Variants in ZMYND8 observed in about 807,000 individuals in gnomAD.
The protein encoded by ZMYND8 is zinc finger MYND-type containing 8, also known as MYND-type zinc finger-containing chromatin reader ZMYND8.
A neutral mutation model predicts 140.8 loss-of-function variants in ZMYND8; 37 were observed. That is an observed-to-expected ratio of 0.26 (90% CI 0.20 to 0.35). The LOEUF (loss-of-function observed/expected upper bound fraction) is 0.35. Ranked by LOEUF, ZMYND8 falls within the 10% of genes least tolerant of loss-of-function variation. The pLI is 1.00. For synonymous variants in ZMYND8, 592 were observed against 597.1 expected (o/e 0.99, Z 0.12); for missense variants, 1,068 against 1,570.0 (o/e 0.68, Z 5.40).
At chr20:47,272,056 A>G (rs1004376569) in intron 11 of ZMYND8, among the ~76,000 whole-genome samples, 15 of 146,416 alleles carry the variant, frequency 1.0e-4, no homozygotes, top group Admixed American at 2.7e-4. Flanking sequence ...TTATAAAAAA[A>G]GGGGGGGGGG....
chr20:47,272,058 G>C (rs1285745531), intron 11 of ZMYND8, among the ~76,000 whole-genome samples: 2 of 34,920 alleles, frequency 5.7e-5, no homozygotes, highest in Non-Finnish European at 1.0e-4. Flanking sequence ...ATAAAAAAAG[G>C]GGGGGGGGAG....
intron 4 of ZMYND8, among the ~76,000 whole-genome samples, chr20:47,297,445 A>T (rs865828539): frequency 1.3e-5 from 2 of 151,436 alleles, no homozygotes; most frequent in Admixed American, 6.6e-5. Flanking sequence ...TTTTTGAGAC[A>T]TGATCTTGCT....
chr20:47,275,144 T>C (rs1228553814), intron 11 of ZMYND8, among the ~76,000 whole-genome samples: 2 of 152,236 alleles, frequency 1.3e-5, no homozygotes, highest in Non-Finnish European at 2.9e-5. Context: ...CATTTAATAA[T>C]TGGAGATTTT....
In ZMYND8 at chr20:47,221,486, G is replaced by A. The variant is rs760501117; in HGVS notation, c.3257-12C>T. 2.1e-5 allele frequency: 34 copies of A among 1,612,602 alleles called. No homozygotes were observed. In the East Asian group the frequency reaches 2.9e-4, roughly 14 times the overall value. ...CTGAGGAGCAGTAGCTGGGGACAAA[G>A]GAGAGAGAGAGACGCCACATATACA... On this transcript the variant is annotated splice_polypyrimidine_tract_variant and intron_variant, in intron 19 of 22. Transcript: ENST00000471951.
At chr20:47,262,249 A>G in intron 12 of ZMYND8, 39 bp downstream of exon 12, 1 of 1,613,568 alleles carries the variant, frequency 6.2e-7, no homozygotes, top group Non-Finnish European at 8.5e-7. Flanking sequence ...AAATATCCAC[A>G]GTTGCCACAG....
Position 47,294,823 on chromosome 20 carries a change from A to G in ZMYND8, c.454-44T>C, listed in dbSNP as rs2077538564. The stretch of plus-strand genomic sequence containing the variant: ...ACATAAACGTCCGGTTAGAAAAAAG[A>G]AATTACCATCCATGTACTGATTTCT... On this transcript the variant is annotated intron_variant, in intron 4 of 22. Transcript: ENST00000471951. The G allele has an allele frequency of 3.2e-6, 5 of 1,559,292 alleles. No homozygotes were observed. In the African/African-American group the frequency reaches 6.8e-5, roughly 21 times the overall value.
At chr20:47,289,416 A>G (rs756194617) in intron 7 of ZMYND8, among the ~76,000 whole-genome samples, 5 of 152,204 alleles carry the variant, frequency 3.3e-5, no homozygotes, top group Admixed American at 6.5e-5. Context: ...TAGTAAGTTA[A>G]ATAAAATCCT....
chr20:47,312,940 T>A (rs1267596692), intron 2 of ZMYND8, among the ~76,000 whole-genome samples: 7 of 151,996 alleles, frequency 4.6e-5, no homozygotes, highest in Admixed American at 4.6e-4. Context: ...CCCAACAATC[T>A]CCTCTAGAAA....
intron 22 of ZMYND8, 50 bp from the exon 23 acceptor site, chr20:47,210,947 G>C (rs2035158106): frequency 6.3e-7 from 1 of 1,594,162 alleles, no homozygotes; most frequent in East Asian, 2.2e-5. Flanking sequence ...CTGCGCCTGA[G>C]CACAACTATC....
At chr20:47,337,356 T>TA (rs2081467255) in intron 2 of ZMYND8, among the ~76,000 whole-genome samples, 1 of 146,338 alleles carries the variant, frequency 6.8e-6, no homozygotes, top group Admixed American at 6.8e-5. Flanking sequence ...AAAAAATAAA[T>TA]AAATAAAATA....
At chr20:47,235,403 G>T (rs912050022) in intron 16 of ZMYND8, among the ~76,000 whole-genome samples, 13 of 152,062 alleles carry the variant, frequency 8.5e-5, no homozygotes, top group Middle Eastern at 3.4e-3. Context: ...ATTCAACAGT[G>T]ACCATAAAAG....
intron 10 of ZMYND8, among the ~76,000 whole-genome samples, chr20:47,281,583 G>A (rs916026203): frequency 1.3e-5 from 2 of 152,294 alleles, no homozygotes; most frequent in Middle Eastern, 3.4e-3. Context: ...GGGGAGGGCA[G>A]GAAGGCTGGG....
At position 47,236,410 on chromosome 20, in the gene ZMYND8, G is replaced by T. The variant is rs781033779; in HGVS notation, c.2772C>A (p.Thr924=). 1 of 1,614,216 alleles carries T rather than the reference G, an allele frequency of 6.2e-7. No individual in the cohort carries two copies. The highest frequency in any genetic ancestry group is 1.1e-5 in the South Asian group (1 of 91,084). ...PLVTSSGSMS[T]LVSSVNADLP... is the part of the protein sequence containing the mutation. ...GGTCAGCGTTGACTGAGGACACAAGGGTGCTCATGGACCCCGAGCTGGTGA... is the reference window on the plus strand; with the variant it reads ...GGTCAGCGTTGACTGAGGACACAAGTGTGCTCATGGACCCCGAGCTGGTGA... Residue 924 remains threonine, a synonymous_variant, in exon 16 of 23, where the codon ACC becomes ACA. Transcript: ENST00000471951.
In ZMYND8 at chr20:47,246,214, T is replaced by G. The variant is rs758307830; in HGVS notation, c.2078A>C (p.Lys693Thr). 2.5e-6 allele frequency: 4 copies of G among 1,614,194 alleles called. No individual in the cohort carries two copies. The highest frequency in any genetic ancestry group is 1.3e-5 in the African/African-American group (1 of 75,040). The change falls in exon 14 of 23, where the codon AAG becomes ACG. Residue 693 changes from lysine (K) to threonine (T), a missense_variant. Coordinates refer to ENST00000471951, the MANE Select transcript of ZMYND8 (RefSeq NM_001281775.3). ...AGGTTTTGCCTTTTCGGAAAAGTCCTTCTCAGGCTCAGGGCTGGCCTTGTC... is the reference window on the plus strand; with the variant it reads ...AGGTTTTGCCTTTTCGGAAAAGTCCGTCTCAGGCTCAGGGCTGGCCTTGTC... ...VKDKASPEPE[K>T]DFSEKAKPSP...
At chr20:47,337,512 A>G (rs2081479386) in intron 2 of ZMYND8, among the ~76,000 whole-genome samples, 1 of 152,190 alleles carries the variant, frequency 6.6e-6, no homozygotes, top group Non-Finnish European at 1.5e-5. Context: ...TAATTAATAA[A>G]TAAATAAAGA....
intron 2 of ZMYND8, chr20:47,318,972 T>G: frequency 9.6e-6 from 13 of 1,351,626 alleles, no homozygotes; most frequent in Non-Finnish European, 9.8e-6. Flanking sequence ...AAAGTGCGGC[T>G]GCTCAGAGGG....
intron 8 of ZMYND8, among the ~76,000 whole-genome samples, chr20:47,285,497 T>C (rs1010169700): frequency 6.6e-6 from 1 of 152,186 alleles, no homozygotes; most frequent in Non-Finnish European, 1.5e-5. Flanking sequence ...CACAGTAAGA[T>C]GCCTACCGTT....
At chr20:47,348,163 T>A (rs2082486865) in intron 1 of ZMYND8, 1 of 537,426 alleles carries the variant, frequency 1.9e-6, no homozygotes, top group South Asian at 2.0e-5. Context: ...CCAGTTGTCA[T>A]GCTATTGGGG....
chr20:47,239,508 TAAA>T (rs2039682289), intron 14 of ZMYND8, among the ~76,000 whole-genome samples: 5 of 152,308 alleles, frequency 3.3e-5, no homozygotes, highest in Admixed American at 3.3e-4. Context: ...TTCGCAAAGT[TAAA>T]ATCTAGTCGG....
Sources: gnomAD v4.1 joint callset for allele counts (sites outside exome capture counted in the v4.1 genomes callset) on GRCh38, gnomAD v4.1.1 for gene constraint, MANE v1.5 for transcripts, NCBI Gene and HGNC (gene_info 2026-07-23, HGNC 2026-07-21) for gene names.